SLC24A2: variants seen among roughly 807,000 people sequenced by gnomAD.
SLC24A2 encodes solute carrier family 24 member 2.
Under a neutral mutation model 62.0 loss-of-function variants are expected in SLC24A2, and 36 were observed. That is an observed-to-expected ratio of 0.58 (90% CI 0.44 to 0.77). SLC24A2 has a LOEUF of 0.77. Among genes scored for constraint, SLC24A2 ranks in the 30% least tolerant of loss-of-function variants. SLC24A2 has a pLI of 0.00. For missense variants in SLC24A2, 846 were observed against 817.9 expected (o/e 1.03, Z -0.42); for synonymous variants, 358 against 294.0 (o/e 1.22, Z -2.23).
At chr9:19,804,272 A>G in the SLC24A2 span, among the ~76,000 whole-genome samples, 163 of 152,238 alleles carry the variant, frequency 1.1e-3, no homozygotes, top group African/African-American at 3.8e-3. Flanking sequence ...AATTACTTAT[A>G]TTTATTTAGG....
the SLC24A2 span, among the ~76,000 whole-genome samples, chr9:19,835,521 C>G: frequency 2.6e-5 from 4 of 152,022 alleles, no homozygotes; most frequent in Admixed American, 2.0e-4. Flanking sequence ...AACAAGAAGA[C>G]CTAACTATCC....
At chr9:19,876,794 G>C in the SLC24A2 span, among the ~76,000 whole-genome samples, 1 of 151,976 alleles carries the variant, frequency 6.6e-6, no homozygotes, top group African/African-American at 2.4e-5. Flanking sequence ...CTTCCACAAG[G>C]GTTGCTAGAA....
the SLC24A2 span, among the ~76,000 whole-genome samples, chr9:20,131,520 A>G: frequency 1.3e-5 from 2 of 152,192 alleles, no homozygotes; most frequent in African/African-American, 2.4e-5. Flanking sequence ...TCCTGTTTAA[A>G]GGAAAATATA....
At chr9:19,953,378 T>C in the SLC24A2 span, among the ~76,000 whole-genome samples, 1 of 152,066 alleles carries the variant, frequency 6.6e-6, no homozygotes, top group Non-Finnish European at 1.5e-5. Flanking sequence ...TTCAGCTAGA[T>C]ATCATGGCAG....
chr9:19,652,724 T>C (rs571706685), intron 2 of SLC24A2, among the ~76,000 whole-genome samples: 2 of 152,200 alleles, frequency 1.3e-5, no homozygotes, highest in Admixed American at 6.5e-5. Flanking sequence ...CTGGTAATAA[T>C]AGGAATTTAA....
chr9:19,571,851 A>T (rs1380862490), intron 7 of SLC24A2, among the ~76,000 whole-genome samples: 1 of 152,214 alleles, frequency 6.6e-6, no homozygotes, highest in Non-Finnish European at 1.5e-5. Flanking sequence ...ACTGTGTTCT[A>T]GAGAGAGTGG....
the SLC24A2 span, among the ~76,000 whole-genome samples, chr9:19,799,819 T>A: frequency 9.9e-5 from 15 of 152,228 alleles, no homozygotes; most frequent in Non-Finnish European, 1.5e-4. Flanking sequence ...CTCTGTTTTT[T>A]TAATTGGCAT....
the SLC24A2 span, among the ~76,000 whole-genome samples, chr9:20,100,385 C>T: frequency 6.6e-6 from 1 of 152,132 alleles, no homozygotes; most frequent in Admixed American, 6.5e-5. Context: ...TAGTTCTCAG[C>T]TTAAATATCT....
chr9:19,792,220 T>A (rs1823327112), upstream of SLC24A2, among the ~76,000 whole-genome samples: 1 of 152,200 alleles, frequency 6.6e-6, no homozygotes, highest in African/African-American at 2.4e-5. Flanking sequence ...GTGTCTACAA[T>A]TCCACCATTA....
chr9:20,020,683 C>T, the SLC24A2 span, among the ~76,000 whole-genome samples: 1 of 152,098 alleles, frequency 6.6e-6, no homozygotes, highest in Non-Finnish European at 1.5e-5. Flanking sequence ...AACAAACCTG[C>T]GTGTTCTGCA....
At chr9:19,647,893 A>G (rs750897680) in intron 2 of SLC24A2, among the ~76,000 whole-genome samples, 12 of 152,348 alleles carry the variant, frequency 7.9e-5, no homozygotes, top group African/African-American at 2.9e-4. Flanking sequence ...GACAATATCT[A>G]TTTTATAGTG....
intron 8 of SLC24A2, among the ~76,000 whole-genome samples, chr9:19,541,747 C>T (rs1461908763): frequency 1.3e-5 from 2 of 148,998 alleles, no homozygotes; most frequent in South Asian, 4.4e-4. Flanking sequence ...GTTCGAGCTT[C>T]CCGGCTGCTT....
At chr9:19,799,379 A>G in the SLC24A2 span, among the ~76,000 whole-genome samples, 325 of 152,242 alleles carry the variant, frequency 2.1e-3, 4 homozygotes, top group South Asian at 0.021. Context: ...TCTGCATGTG[A>G]TGTTTCTTTC....
intron 5 of SLC24A2, among the ~76,000 whole-genome samples, chr9:19,578,554 A>AT (rs3085618): frequency 4.3e-4 from 65 of 151,314 alleles, no homozygotes; most frequent in Non-Finnish European, 6.9e-4. Flanking sequence ...CCCACGATGT[A>AT]TTTTTTTTTT....
At chr9:19,892,863 C>T in the SLC24A2 span, among the ~76,000 whole-genome samples, 261 of 152,188 alleles carry the variant, frequency 1.7e-3, no homozygotes, top group African/African-American at 6.1e-3. Context: ...AAAACTGTAC[C>T]CACCCAGGTG....
At chr9:20,039,149 G>A in the SLC24A2 span, among the ~76,000 whole-genome samples, 8 of 152,218 alleles carry the variant, frequency 5.3e-5, no homozygotes, top group Admixed American at 2.6e-4. Context: ...GTGGAAAGAC[G>A]CTGAGCCAGA....
chr9:19,805,456 T>C, the SLC24A2 span, among the ~76,000 whole-genome samples: 8 of 152,310 alleles, frequency 5.3e-5, no homozygotes, highest in East Asian at 1.4e-3. Flanking sequence ...CTTCACCTTA[T>C]TAAAAAATGC....
intron 2 of SLC24A2, among the ~76,000 whole-genome samples, chr9:19,731,444 G>A (rs1821330801): frequency 6.6e-6 from 1 of 151,946 alleles, no homozygotes. Flanking sequence ...TAAGGGTGGG[G>A]CTTTGATCTA....
At chr9:19,634,345 A>G (rs1250030317) in intron 2 of SLC24A2, among the ~76,000 whole-genome samples, 4 of 144,234 alleles carry the variant, frequency 2.8e-5, no homozygotes, top group Admixed American at 1.5e-4. Flanking sequence ...CTGGAGTGCA[A>G]TGGTGCGATT....
Sources: gnomAD v4.1 joint callset for allele counts (sites outside exome capture counted in the v4.1 genomes callset) on GRCh38, gnomAD v4.1.1 for gene constraint, MANE v1.5 for transcripts, NCBI Gene and HGNC (gene_info 2026-07-23, HGNC 2026-07-21) for gene names.